Variants in MTBP observed in about 807,000 individuals in gnomAD.
MTBP encodes the protein mdm2-binding protein.
A neutral mutation model predicts 117.0 loss-of-function variants in MTBP; 101 were observed. That is an observed-to-expected ratio of 0.86 (90% confidence interval 0.73 to 1.02). MTBP has a LOEUF of 1.02. Ranked by LOEUF, MTBP falls within the 50% of genes least tolerant of loss-of-function variation. MTBP has a pLI of 0.00. For synonymous variants in MTBP, 350 were observed against 351.5 expected (o/e 1.00, Z 0.05); for missense variants, 970 against 1,030.9 (o/e 0.94, Z 0.81).
intron 9 of MTBP, among the ~76,000 whole-genome samples, chr8:120,461,694 C>T (rs886351449): frequency 6.6e-6 from 1 of 152,050 alleles, no homozygotes; most frequent in African/African-American, 2.4e-5. Context: ...GACACCACCA[C>T]GTATATATTT....
At chr8:120,446,256 T>C (rs575160127) in intron 1 of MTBP, among the ~76,000 whole-genome samples, 177 bp from the exon 2 acceptor site, 3 of 152,344 alleles carry the variant, frequency 2.0e-5, no homozygotes, top group African/African-American at 7.2e-5. Context: ...CGGGAGCCTT[T>C]TCTATTTTCT....
chr8:120,485,027 C>T (rs1019663392), intron 11 of MTBP, among the ~76,000 whole-genome samples: 8 of 132,256 alleles, frequency 6.0e-5, no homozygotes, highest in African/African-American at 2.0e-4. Flanking sequence ...AATATTTCAT[C>T]ACTTAGATAT....
intron 13 of MTBP, among the ~76,000 whole-genome samples, chr8:120,494,553 G>T (rs539881061): frequency 6.6e-6 from 1 of 152,128 alleles, no homozygotes; most frequent in Non-Finnish European, 1.5e-5. Flanking sequence ...ATGTACGTAT[G>T]CTGCTATTTC....
At chr8:120,511,168 A>C (rs1353120309) in intron 17 of MTBP, among the ~76,000 whole-genome samples, 1 of 152,168 alleles carries the variant, frequency 6.6e-6, no homozygotes, top group Non-Finnish European at 1.5e-5. Context: ...CTTGTTTGAG[A>C]GGATTATTAT....
chr8:120,515,957 G>A lies in MTBP; in HGVS notation c.2012G>A (p.Arg671Lys), dbSNP rs760239788. 3.1e-6 allele frequency: 5 copies of A among 1,612,566 alleles called. No homozygotes were observed. The highest frequency in any genetic ancestry group is 4.2e-6 in the Non-Finnish European group (5 of 1,179,072). ...YCLDDRKALE[R>K]DGGFSELQSR... ...TTGGATGACCGAAAAGCTTTGGAAA[G>A]AGATGGAGGATTTTCTGAACTTCAG... The change falls in exon 18 of 22, where the codon AGA (arginine) becomes AAA (lysine). Residue 671 changes from arginine (R) to lysine (K), a missense_variant. Transcript: ENST00000305949.
At chr8:120,519,655 T>C (rs1003040958) in intron 20 of MTBP, among the ~76,000 whole-genome samples, 1 of 151,984 alleles carries the variant, frequency 6.6e-6, no homozygotes, top group Admixed American at 6.6e-5. Context: ...AAAAAGCACA[T>C]GGAAGTGTGG....
intron 11 of MTBP, chr8:120,473,720 A>G (rs1586949605): frequency 6.6e-6 from 1 of 152,082 alleles, no homozygotes; most frequent in African/African-American, 2.4e-5. Context: ...CTCACAGGGA[A>G]CAAATATATA....
chr8:120,517,489 T>C (rs2130621589), intron 18 of MTBP, among the ~76,000 whole-genome samples: 1 of 152,146 alleles, frequency 6.6e-6, no homozygotes, highest in East Asian at 1.9e-4. Flanking sequence ...CATTACCTTC[T>C]ATGTGTTAGT....
chr8:120,463,843 CTTA>C (rs765920094), intron 10 of MTBP, 82 bp downstream of exon 10: 218 of 1,281,532 alleles, frequency 1.7e-4, no homozygotes, highest in Admixed American at 2.4e-4. Context: ...GGGAATGTAA[CTTA>C]TTAATCTGTT....
chr8:120,511,867 T>TA (rs1361049212), intron 17 of MTBP, among the ~76,000 whole-genome samples: 74 of 152,262 alleles, frequency 4.9e-4, no homozygotes, highest in African/African-American at 1.8e-3. Flanking sequence ...TCTCTCATTT[T>TA]AAAAAATACC....
intron 13 of MTBP, among the ~76,000 whole-genome samples, chr8:120,494,776 A>G (rs555503582): frequency 2.0e-5 from 3 of 152,262 alleles, no homozygotes; most frequent in South Asian, 2.1e-4. Flanking sequence ...TCTCTCTTAT[A>G]TAATTCTTTG....
intron 12 of MTBP, among the ~76,000 whole-genome samples, chr8:120,490,014 A>G (rs1044330573): frequency 2.0e-5 from 3 of 152,170 alleles, no homozygotes; most frequent in Non-Finnish European, 4.4e-5. Flanking sequence ...GAATGGGGAG[A>G]GAGACACGGC....
intron 12 of MTBP, among the ~76,000 whole-genome samples, chr8:120,489,618 A>C (rs1166487947): frequency 2.6e-5 from 4 of 152,106 alleles, no homozygotes; most frequent in Non-Finnish European, 1.5e-5. Flanking sequence ...CTGGTTACCA[A>C]TTTGTCCTAG....
At chr8:120,462,379 C>T (rs1434839426) in intron 9 of MTBP, among the ~76,000 whole-genome samples, 1 of 152,046 alleles carries the variant, frequency 6.6e-6, no homozygotes, top group African/African-American at 2.4e-5. Flanking sequence ...GTGAGAAGGC[C>T]AGAGAGTGTA....
chr8:120,481,952 T>C (rs997671427), intron 11 of MTBP, among the ~76,000 whole-genome samples: 6 of 152,200 alleles, frequency 3.9e-5, no homozygotes, highest in Non-Finnish European at 2.9e-5. Context: ...AATCACTTTT[T>C]TTCTAAGAAT....
chr8:120,462,546 A>G (rs770468214), intron 9 of MTBP, among the ~76,000 whole-genome samples: 1 of 152,140 alleles, frequency 6.6e-6, no homozygotes, highest in Non-Finnish European at 1.5e-5. Flanking sequence ...TTTATCCATT[A>G]TACATTACTG....
intron 13 of MTBP, among the ~76,000 whole-genome samples, chr8:120,493,109 T>C (rs1348656804): frequency 6.6e-6 from 1 of 152,226 alleles, no homozygotes; most frequent in Non-Finnish European, 1.5e-5. Context: ...AAGCTTATGC[T>C]TGACCTGCTG....
chr8:120,491,577 T>C (rs1563798866), intron 13 of MTBP, among the ~76,000 whole-genome samples: 1 of 152,192 alleles, frequency 6.6e-6, no homozygotes, highest in East Asian at 1.9e-4. Flanking sequence ...CATAAATACA[T>C]ACACACACAT....
intron 10 of MTBP, among the ~76,000 whole-genome samples, chr8:120,464,293 T>A (rs185941093): frequency 1.8e-3 from 270 of 152,116 alleles, no homozygotes; most frequent in African/African-American, 6.3e-3. Context: ...TTTTTAACTT[T>A]AAAAAAATTA....
Sources: allele counts gnomAD v4.1 joint callset (sites outside exome capture counted in the v4.1 genomes callset), GRCh38; gene constraint gnomAD v4.1.1; transcripts MANE v1.5; gene names NCBI Gene and HGNC (gene_info 2026-07-23, HGNC 2026-07-21).